Variants in DHRS3 observed in about 807,000 individuals in gnomAD.
The protein encoded by DHRS3 is short-chain dehydrogenase/reductase 3.
In DHRS3, 14 loss-of-function variants were observed where a neutral mutation model predicts 27.2. The observed-to-expected ratio is 0.52, with a 90% CI of 0.34 to 0.81. DHRS3 has a LOEUF of 0.81. Among genes scored for constraint, DHRS3 ranks in the 30% least tolerant of loss-of-function variants. DHRS3 has a pLI of 0.01. For missense variants in DHRS3, 322 were observed against 406.2 expected, an observed-to-expected ratio of 0.79 and a Z score of 1.78; for synonymous variants, 165 against 175.9, an observed-to-expected ratio of 0.94 and a Z score of 0.49.
intron 1 of DHRS3, among the ~76,000 whole-genome samples, chr1:12,582,202 T>C (rs1457914553): frequency 6.6e-6 from 1 of 152,212 alleles, no homozygotes; most frequent in East Asian, 1.9e-4. Flanking sequence ...TAACCGTTTA[T>C]CCGCTGCTCA....
intron 1 of DHRS3, among the ~76,000 whole-genome samples, chr1:12,597,588 C>G (rs1238641001): frequency 1.3e-5 from 2 of 152,234 alleles, no homozygotes; most frequent in Admixed American, 6.5e-5. Context: ...TTCTCCCATT[C>G]TCAAACACAC....
intron 1 of DHRS3, among the ~76,000 whole-genome samples, chr1:12,612,239 T>C (rs542451298): frequency 6.6e-6 from 1 of 152,240 alleles, no homozygotes; most frequent in East Asian, 1.9e-4. Context: ...TCCCTGTAAA[T>C]TGGTTAGTGC....
rs763515601 is a variant in DHRS3 at position 12,617,273 on chromosome 1, C to T, written c.76G>A (p.Gly26Arg). 1 of 1,613,802 alleles carries T rather than the reference C, an allele frequency of 6.2e-7. No individual in the cohort carries two copies. Among genetic ancestry groups the T allele is most frequent in the Admixed American group, 1.7e-5 (1 of 60,030 alleles). ...CGCAGCTTGGCGGGCAGCACCAGTCCGACGGCTGCTTTCACCACCAGATAG... is the reference window on the plus strand; with the variant it reads ...CGCAGCTTGGCGGGCAGCACCAGTCTGACGGCTGCTTTCACCACCAGATAG... Reference protein sequence around the residue: ...MIYLVVKAAVGLVLPAKLRDL... With the variant: ...MIYLVVKAAVRLVLPAKLRDL... Residue 26 changes from glycine to arginine, a missense_variant, in exon 1 of 6, where the codon GGA becomes AGA. Physicochemically the swap from Gly to Arg is moderately radical, Grantham distance 125. Coordinates refer to ENST00000616661, the MANE Select transcript of DHRS3 (RefSeq NM_004753.7).
At chr1:12,605,426 CAT>C (rs1427823561) in intron 1 of DHRS3, among the ~76,000 whole-genome samples, 1 of 152,082 alleles carries the variant, frequency 6.6e-6, no homozygotes, top group East Asian at 1.9e-4. Flanking sequence ...TGTACAGTAC[CAT>C]AGTCATTAAT....
At chr1:12,600,528 C>T (rs1293325388) in intron 1 of DHRS3, 2 of 336,992 alleles carry the variant, frequency 5.9e-6, no homozygotes, top group Non-Finnish European at 8.4e-6. Flanking sequence ...TCTGGCAGGA[C>T]TGCCTGCCTG....
Position 12,578,976 on chromosome 1 carries a change from C to G in DHRS3, c.460-20G>C, listed in dbSNP as rs1379872556. 8 of 1,598,122 alleles carry G rather than the reference C, an allele frequency of 5.0e-6. No homozygotes were observed. Among genetic ancestry groups the G allele is most frequent in the Non-Finnish European group, 6.8e-6 (8 of 1,170,126 alleles). On this transcript the variant is annotated intron_variant, in intron 3 of 5. Transcript: ENST00000616661. The surrounding 1 kb of genome is among the most constrained non-coding windows in gnomAD (Gnocchi z 4.5). The stretch of plus-strand genomic sequence containing the variant: ...GGTGGTCTGAGGGCAGATGGGGTGT[C>G]AGGGTGGAGCAGCTGCAGCTCTGAC...
chr1:12,596,997 C>T (rs1646802916), intron 1 of DHRS3, among the ~76,000 whole-genome samples: 1 of 152,034 alleles, frequency 6.6e-6, no homozygotes, highest in Admixed American at 6.5e-5. Context: ...CTCAAGGAGA[C>T]CCCCATTGAC....
intron 1 of DHRS3, among the ~76,000 whole-genome samples, chr1:12,595,622 A>G (rs1646789656): frequency 7.0e-6 from 1 of 143,680 alleles, no homozygotes; most frequent in African/African-American, 2.7e-5. Context: ...GTGTCCCGGG[A>G]GCAGATAGGG....
Position 12,578,866 on chromosome 1 carries a change from C to T in DHRS3, c.550G>A (p.Gly184Ser), listed in dbSNP as rs140854623. 8.1e-6 allele frequency: 13 copies of T among 1,613,796 alleles called. No homozygotes were observed. Among genetic ancestry groups the T allele is most frequent in the African/African-American group, 5.3e-5 (4 of 74,928 alleles). The change falls in exon 4 of 6, where the codon GGT (glycine) becomes AGT (serine). Residue 184 changes from glycine (G) to serine (S), a missense_variant. Gly to Ser is a moderately conservative substitution (Grantham distance 56). Coordinates refer to ENST00000616661, the MANE Select transcript of DHRS3 (RefSeq NM_004753.7). This position sits in a 1 kb window ranked among gnomAD's most constrained non-coding sequence, Gnocchi z 4.5. Reference sequence around the variant, plus strand: ...TTGGATGTGCAGTAGTCGATGGCACCGGGGATGGCAGACAGTGCCAGCACG... The same window carrying T: ...TTGGATGTGCAGTAGTCGATGGCACTGGGGATGGCAGACAGTGCCAGCACG... ...NSVLALSAIP[G>S]AIDYCTSKAS... is the part of the protein sequence containing the mutation.
chr1:12,614,139 A>G (rs939302408), intron 1 of DHRS3, among the ~76,000 whole-genome samples: 5 of 152,164 alleles, frequency 3.3e-5, no homozygotes, highest in African/African-American at 1.2e-4. Context: ...GTTTGCAATC[A>G]TGGCCCAAGA....
chr1:12,572,661 C>A, intron 5 of DHRS3, 67 bp downstream of exon 5: 4 of 1,546,670 alleles, frequency 2.6e-6, no homozygotes, highest in Non-Finnish European at 3.5e-6. Context: ...ATGCCCGCAG[C>A]AGACATGACT....
At chr1:12,583,465 CATCCATCCACCCATCCACTCACCTACTT>C (rs1295624579) in intron 1 of DHRS3, among the ~76,000 whole-genome samples, 2 of 145,454 alleles carry the variant, frequency 1.4e-5, no homozygotes, top group African/African-American at 5.1e-5. Flanking sequence ...CTTATCCATC[CATCCATCCACCCATCCACTCACCTACTT>C]ATCCATCCAT....
intron 1 of DHRS3, among the ~76,000 whole-genome samples, chr1:12,581,839 CAG>C (rs1646647397): frequency 6.6e-6 from 1 of 152,198 alleles, no homozygotes; most frequent in African/African-American, 2.4e-5. Context: ...AGGTCAGAAG[CAG>C]AGACAGGAAG....
Position 12,578,785 on chromosome 1 carries a change from C to A in DHRS3, c.631G>T (p.Gly211Ter). Residue 211 changes from glycine (G) to a stop codon, truncating the protein, a stop_gained, in exon 4 of 6, where the codon GGA becomes TGA. Transcript: ENST00000616661. LOFTEE classifies it high-confidence loss of function. The surrounding 1 kb of genome is among the most constrained non-coding windows in gnomAD (Gnocchi z 4.5). The stretch of plus-strand genomic sequence containing the variant: ...GGCAGCACTGTGGTGGCGCTGACTC[C>A]CGGACAGTCCAGCAGCCCCAGGGTC... The part of the protein sequence containing the change: ...SLTLGLLDCP[G>*]VSATTVLPFH... The A allele has an allele frequency of 1.2e-6, 2 of 1,614,074 alleles. No homozygotes were observed. The highest frequency in any genetic ancestry group is 1.7e-6 in the Non-Finnish European group (2 of 1,180,026).
chr1:12,600,243 A>T (rs1404160544), intron 1 of DHRS3: 1 of 501,382 alleles, frequency 2.0e-6, no homozygotes, highest in Non-Finnish European at 2.6e-6. Flanking sequence ...ACACACAATC[A>T]CACAAACATT....
chr1:12,577,206 T>C (rs898107992), intron 4 of DHRS3, among the ~76,000 whole-genome samples: 7 of 152,006 alleles, frequency 4.6e-5, no homozygotes, highest in Admixed American at 3.3e-4. Context: ...TAATTCCCGG[T>C]TTTCATTCAT....
intron 4 of DHRS3, among the ~76,000 whole-genome samples, chr1:12,575,282 A>G (rs1646575663): frequency 1.3e-5 from 2 of 152,102 alleles, no homozygotes; most frequent in South Asian, 2.1e-4. Context: ...AGCCAAGATC[A>G]CATGACTGCA....
At chr1:12,585,011 A>G (rs1646681026) in intron 1 of DHRS3, among the ~76,000 whole-genome samples, 1 of 135,456 alleles carries the variant, frequency 7.4e-6, no homozygotes, top group Non-Finnish European at 1.6e-5. Context: ...GTCTGTGTGC[A>G]TCTCTGTGTG....
At chr1:12,610,810 T>C (rs1646904642) in intron 1 of DHRS3, among the ~76,000 whole-genome samples, 1 of 152,230 alleles carries the variant, frequency 6.6e-6, no homozygotes, top group African/African-American at 2.4e-5. Flanking sequence ...TATGGACTTA[T>C]ATTTTTGGAT....
Sources: gnomAD v4.1 joint callset for allele counts (sites outside exome capture counted in the v4.1 genomes callset) on GRCh38, gnomAD v4.1.1 for gene constraint, Gnocchi (gnomAD v3.1) non-coding constraint, MANE v1.5 for transcripts, NCBI Gene and HGNC (gene_info 2026-07-23, HGNC 2026-07-21) for gene names.